POU3F3: variants seen among roughly 807,000 people sequenced by gnomAD.
POU3F3 encodes the protein POU domain, class 3, transcription factor 3.
In POU3F3, 1 loss-of-function variant was observed where a neutral mutation model predicts 8.6. The observed-to-expected ratio is 0.12, with a 90% CI of 0.04 to 0.55. The LOEUF (loss-of-function observed/expected upper bound fraction) is 0.55. Among genes scored for constraint, POU3F3 ranks in the 20% least tolerant of loss-of-function variants. The pLI, the probability that POU3F3 is intolerant of heterozygous loss-of-function variation, is 0.91. For missense variants in POU3F3, 577 were observed against 690.7 expected (o/e 0.84, Z 1.84); for synonymous variants, 418 against 327.4 (o/e 1.28, Z -2.99).
rs755592572 is a variant in POU3F3, at chr2:104,855,667, C to G, written c.157C>G (p.Pro53Ala). 11 of 1,081,464 alleles carry G rather than the reference C, an allele frequency of 1.0e-5. No individual in the cohort carries two copies. The highest frequency in any genetic ancestry group is 1.2e-5 in the Non-Finnish European group (11 of 885,548). The allele number at this position is 1,081,464 out of a possible 1,614,324, so 67.0% of individuals were successfully genotyped here. A position where few individuals can be genotyped will look rare whatever the true frequency, so the allele number is the denominator to read the frequency against. ...AGGGGGCGGGGGCGGCGGCATGCAG[C>G]CGGGCAGCGCCGCCGTGACCTCGGG... ...GAGGGGGGMQPGSAAVTSGAY... is the reference protein window; with the variant it reads ...GAGGGGGGMQAGSAAVTSGAY... The change falls in exon 1 of 1, where the codon CCG becomes GCG. Residue 53 changes from proline to alanine, a missense_variant. Physicochemically the swap from Pro to Ala is conservative, Grantham distance 27. Transcript: ENST00000361360.
At chr2:104,882,719 GTATC>G in the POU3F3 span, among the ~76,000 whole-genome samples, 1 of 152,094 alleles carries the variant, frequency 6.6e-6, no homozygotes, top group Non-Finnish European at 1.5e-5. Context: ...TATCATCTTC[GTATC>G]TGACACTATG....
the POU3F3 span, among the ~76,000 whole-genome samples, chr2:104,897,070 C>T: frequency 6.6e-6 from 1 of 152,138 alleles, no homozygotes; most frequent in African/African-American, 2.4e-5. Flanking sequence ...CCAGCACACC[C>T]GTGTCAGGAA....
the POU3F3 span, among the ~76,000 whole-genome samples, chr2:104,915,199 G>T: frequency 6.6e-6 from 1 of 152,186 alleles, no homozygotes; most frequent in Non-Finnish European, 1.5e-5. Context: ...AATAGCAATT[G>T]TATTAGTCTT....
At chr2:104,880,792 C>T in the POU3F3 span, among the ~76,000 whole-genome samples, 1 of 152,168 alleles carries the variant, frequency 6.6e-6, no homozygotes, top group African/African-American at 2.4e-5. Flanking sequence ...CATGTCACGT[C>T]TTCTGTGGGC....
chr2:104,867,781 CG>C, the POU3F3 span: 1 of 164,810 alleles, frequency 6.1e-6, no homozygotes, highest in Non-Finnish European at 1.3e-5. The surrounding 1 kb of genome is among the most constrained non-coding windows in gnomAD (Gnocchi z 5.0). Flanking sequence ...TTCGAGAAGC[CG>C]GGAGCTGGTG....
chr2:104,872,130 C>A, the POU3F3 span: 12 of 421,772 alleles, frequency 2.8e-5, no homozygotes, highest in Admixed American at 2.9e-4. The surrounding 1 kb of genome is among the most constrained non-coding windows in gnomAD (Gnocchi z 4.6). Flanking sequence ...ACCTGGCTCC[C>A]CCTTTCAAAA....
chr2:104,912,227 T>C, the POU3F3 span, among the ~76,000 whole-genome samples: 1 of 152,140 alleles, frequency 6.6e-6, no homozygotes, highest in Non-Finnish European at 1.5e-5. Flanking sequence ...ACCTAGCGCA[T>C]TGTGGGTGCT....
the POU3F3 span, among the ~76,000 whole-genome samples, chr2:104,893,502 C>G: frequency 6.6e-6 from 1 of 152,222 alleles, no homozygotes; most frequent in Non-Finnish European, 1.5e-5. Context: ...GGAAAAGAAA[C>G]GTCTTGGACC....
downstream of POU3F3, among the ~76,000 whole-genome samples, chr2:104,862,896 C>T (rs1172503909): frequency 5.3e-5 from 8 of 152,156 alleles, no homozygotes; most frequent in African/African-American, 2.4e-5. Context: ...ACCGATCCTG[C>T]CTTTCAATTA....
rs778602880 is a variant in POU3F3 at position 104,856,981 on chromosome 2, C to T, written c.1471C>T (p.Pro491Ser). The change falls in exon 1 of 1, where the codon CCT (proline) becomes TCT (serine). Residue 491 changes from proline to serine, a missense_variant. This residue lies in a region of POU3F3 where 35 missense variants were observed against 50.3 expected (regional missense o/e 0.70). Transcript: ENST00000361360. ...CACCGTGAGCGCCGACACGCCGCCGCCTCACCACGGGCTGCAGACGAGCGT... is the reference window on the plus strand; with the variant it reads ...CACCGTGAGCGCCGACACGCCGCCGTCTCACCACGGGCTGCAGACGAGCGT... ...VGTVSADTPP[P>S]HHGLQTSVQ 8.1e-6 allele frequency: 13 copies of T among 1,609,524 alleles called. No homozygotes were observed. In the South Asian group the frequency reaches 1.3e-4, roughly 16 times the overall value.
the POU3F3 span, among the ~76,000 whole-genome samples, chr2:104,891,569 G>C: frequency 6.6e-6 from 1 of 152,124 alleles, no homozygotes; most frequent in Non-Finnish European, 1.5e-5. Flanking sequence ...TGTGATAGAA[G>C]GGTTTGAAGG....
chr2:104,915,775 G>A, the POU3F3 span, among the ~76,000 whole-genome samples: 7,552 of 151,946 alleles, frequency 0.05, 240 homozygotes, highest in Middle Eastern at 0.075. Context: ...TCCAGGACAC[G>A]TTTCGAGAAT....
At chr2:104,919,146 C>T in the POU3F3 span, among the ~76,000 whole-genome samples, 2 of 152,210 alleles carry the variant, frequency 1.3e-5, no homozygotes, top group Non-Finnish European at 2.9e-5. Flanking sequence ...GCTGGGATTA[C>T]AGGCGTGAGC....
chr2:104,879,332 C>T, the POU3F3 span, among the ~76,000 whole-genome samples: 23 of 152,168 alleles, frequency 1.5e-4, no homozygotes, highest in Non-Finnish European at 2.8e-4. Context: ...GGCAGGGGTA[C>T]GTGAGCTGGT....
chr2:104,909,412 C>T, the POU3F3 span, among the ~76,000 whole-genome samples: 10 of 152,242 alleles, frequency 6.6e-5, no homozygotes, highest in Admixed American at 2.0e-4. Context: ...ACTCCTTTAA[C>T]GCCAGCCAAG....
the POU3F3 span, among the ~76,000 whole-genome samples, chr2:104,911,488 G>C: frequency 6.6e-6 from 1 of 152,036 alleles, no homozygotes; most frequent in Non-Finnish European, 1.5e-5. Flanking sequence ...TGCTGAAAGG[G>C]AGATGCTGCC....
chr2:104,900,288 C>G, the POU3F3 span, among the ~76,000 whole-genome samples: 1 of 152,158 alleles, frequency 6.6e-6, no homozygotes. Context: ...ACAACTGACA[C>G]TTACACATCA....
chr2:104,904,226 T>C, the POU3F3 span, among the ~76,000 whole-genome samples: 2 of 152,114 alleles, frequency 1.3e-5, no homozygotes, highest in Admixed American at 6.5e-5. Context: ...TGGGGAACGG[T>C]TGGAGGGTCA....
At chr2:104,926,336 C>T in the POU3F3 span, among the ~76,000 whole-genome samples, 1 of 151,984 alleles carries the variant, frequency 6.6e-6, no homozygotes, top group Admixed American at 6.6e-5. Context: ...TTTATGTGGC[C>T]AATAAACATA....
Sources: allele counts gnomAD v4.1 joint callset (sites outside exome capture counted in the v4.1 genomes callset), GRCh38; gene constraint gnomAD v4.1.1; regional missense constraint gnomAD v4.1.1; non-coding constraint Gnocchi (gnomAD v3.1); transcripts MANE v1.5; gene names NCBI Gene and HGNC (gene_info 2026-07-23, HGNC 2026-07-21).